GK5: variants seen among roughly 807,000 people sequenced by gnomAD.
GK5 encodes glycerol kinase 5, also known as ATP:glycerol 3-phosphotransferase 5.
GK5 carries 39 observed loss-of-function variants against 77.3 expected under a neutral mutation model. The observed-to-expected ratio is 0.50, with a 90% CI of 0.39 to 0.66. The LOEUF (loss-of-function observed/expected upper bound fraction) is 0.66. GK5 is among the 30% of genes least tolerant of loss of function. The pLI, the probability that GK5 is intolerant of heterozygous loss-of-function variation, is 0.00. For synonymous variants in GK5, 211 were observed against 208.0 expected (o/e 1.01, Z -0.13); for missense variants, 487 against 633.8 (o/e 0.77, Z 2.49).
At position 142,194,355 on chromosome 3, in the gene GK5, G is replaced by A. The variant is rs1006018848; in HGVS notation, c.543+4447C>T. On this transcript the variant is annotated intron_variant, in intron 5 of 15. Transcript: ENST00000392993. The stretch of plus-strand genomic sequence containing the variant: ...AGCCTGGCCAACATGGCGAAACCCC[G>A]TCTCTACTAAAAATACAAAAGTTAG... Among the ~76,000 whole-genome samples, 4 of 151,938 alleles carry A rather than the reference G, an allele frequency of 2.6e-5. No individual in the cohort carries two copies. The South Asian group carries it at 8.3e-4, about 32-fold the overall frequency.
intron 15 of GK5, among the ~76,000 whole-genome samples, chr3:142,169,151 G>T: frequency 6.6e-6 from 1 of 152,150 alleles, no homozygotes. Flanking sequence ...TGTAGCAGGT[G>T]CTCCACAAAC....
chr3:142,182,351 T>TG (rs1491517880), intron 10 of GK5, among the ~76,000 whole-genome samples: 1 of 146,136 alleles, frequency 6.8e-6, no homozygotes, highest in Non-Finnish European at 1.5e-5. Flanking sequence ...AGTAAGAAGA[T>TG]TTTTTTTTTT....
At chr3:142,201,231 T>C (rs9833701) in intron 4 of GK5, among the ~76,000 whole-genome samples, 8,437 of 152,268 alleles carry the variant, frequency 0.055, 429 homozygotes, top group African/African-American at 0.13. Context: ...AGCACAGATG[T>C]CCTTCAACAA....
At chr3:142,182,837 TG>T in intron 10 of GK5, 85 bp downstream of exon 10, 1 of 869,432 alleles carries the variant, frequency 1.2e-6, no homozygotes, top group Non-Finnish European at 1.8e-6. Context: ...TATCACAAAA[TG>T]GGAAAATAGT....
At chr3:142,194,390 G>T (rs2107784607) in intron 5 of GK5, among the ~76,000 whole-genome samples, 1 of 152,280 alleles carries the variant, frequency 6.6e-6, no homozygotes, top group African/African-American at 2.4e-5. Context: ...GCTGGGCGTT[G>T]TGGCGCACGC....
intron 14 of GK5, among the ~76,000 whole-genome samples, chr3:142,171,108 G>C (rs1400878192): frequency 6.6e-6 from 1 of 152,104 alleles, no homozygotes; most frequent in Non-Finnish European, 1.5e-5. Context: ...GTGCATGTCT[G>C]TAGTCACAAC....
At position 142,161,206 on chromosome 3, in the gene GK5, T is replaced by G. The variant is rs1170356002; in HGVS notation, c.*4416A>C. The G allele has an allele frequency of 6.6e-6, 1 of 152,220 alleles. No homozygotes were observed. The highest frequency in any genetic ancestry group is 1.5e-5 in the Non-Finnish European group (1 of 68,144). 9.4% of individuals were successfully genotyped at this position (152,220 alleles called of 1,614,324 possible). A position where few individuals can be genotyped will look rare whatever the true frequency, so the allele number is the denominator to read the frequency against. On this transcript the variant is annotated 3_prime_UTR_variant, in exon 16 of 16. Coordinates refer to ENST00000392993, the MANE Select transcript of GK5 (RefSeq NM_001039547.3). The stretch of plus-strand genomic sequence containing the variant: ...ACCTCTGCCTCAGGGGTTCAAGCGG[T>G]TCTCCTGCCTCAGCCTCCTGACTAG...
chr3:142,173,811 T>C (rs753460395), intron 12 of GK5, among the ~76,000 whole-genome samples: 5 of 152,134 alleles, frequency 3.3e-5, no homozygotes, highest in Admixed American at 1.3e-4. Context: ...CACATCAAAA[T>C]GGTCATTTCA....
intron 9 of GK5, chr3:142,185,186 C>A (rs2063752069): frequency 2.5e-6 from 2 of 800,942 alleles, no homozygotes. Flanking sequence ...GCAAAGGTGG[C>A]AGAAGGCCCC....
chr3:142,200,453 C>T (rs1282203145), intron 4 of GK5, among the ~76,000 whole-genome samples: 1 of 152,166 alleles, frequency 6.6e-6, no homozygotes, highest in East Asian at 1.9e-4. Context: ...CAGGCGTGAA[C>T]CACTGCACCC....
intron 4 of GK5, chr3:142,204,188 T>C (rs569723163): frequency 2.1e-5 from 4 of 189,852 alleles, no homozygotes; most frequent in Non-Finnish European, 4.4e-5. Flanking sequence ...TCAGCTAATT[T>C]TGCATTATTT....
intron 4 of GK5, among the ~76,000 whole-genome samples, chr3:142,202,725 G>A (rs2064045085): frequency 2.0e-5 from 3 of 152,172 alleles, no homozygotes; most frequent in Non-Finnish European, 4.4e-5. Context: ...GGGAGGCTGA[G>A]GTGGGCGGAT....
At chr3:142,186,350 A>G (rs931635686) in intron 7 of GK5, 83 bp from the exon 8 acceptor site, 58 of 1,001,288 alleles carry the variant, frequency 5.8e-5, no homozygotes, top group Non-Finnish European at 7.9e-5. Flanking sequence ...CATGTTGTAC[A>G]TGATATATTT....
chr3:142,167,228 G>C (rs1049456421), intron 15 of GK5, among the ~76,000 whole-genome samples: 2 of 152,054 alleles, frequency 1.3e-5, no homozygotes, highest in Non-Finnish European at 2.9e-5. Context: ...TAAAAAATTA[G>C]CTGGGCGTGG....
chr3:142,170,195 T>C, intron 15 of GK5, 130 bp downstream of exon 15: 2 of 910,350 alleles, frequency 2.2e-6, no homozygotes, highest in African/African-American at 1.6e-5. Flanking sequence ...GTAATATGCA[T>C]ATGTGTATGG....
Position 142,210,165 on chromosome 3 carries a change from C to T in GK5, c.317+3361G>A, listed in dbSNP as rs139622508. Among the ~76,000 whole-genome samples the T allele has an allele frequency of 2.1e-4, 32 of 152,018 alleles. No homozygotes were observed. In the East Asian group the frequency reaches 6.0e-3, roughly 28 times the overall value. On this transcript the variant is annotated intron_variant, in intron 3 of 15. Transcript: ENST00000392993. ...GATGGGGGAGAGATAGGGAGAAAAA[C>T]AAAAAGAAAGTTCAAAGTTTTAGAC...
intron 1 of GK5, among the ~76,000 whole-genome samples, chr3:142,217,335 A>T (rs2064287389): frequency 6.6e-6 from 1 of 152,182 alleles, no homozygotes; most frequent in African/African-American, 2.4e-5. Context: ...GAAAGTCATA[A>T]AAGACATAAA....
rs2063454905 is a variant in GK5, at chr3:142,164,654, A to T, written c.*968T>A. 6.6e-6 allele frequency: 1 copy of T among 152,230 alleles called. No individual in the cohort carries two copies. The highest frequency in any genetic ancestry group is 6.5e-5 in the Admixed American group (1 of 15,286). 9.4% of individuals were successfully genotyped at this position (152,230 alleles called of 1,614,324 possible). On this transcript the variant is annotated 3_prime_UTR_variant, in exon 16 of 16. Coordinates refer to ENST00000392993, the MANE Select transcript of GK5 (RefSeq NM_001039547.3). ...GACTGAACAAACATCAAAAAGACGC[A>T]GGAACAAATAAAATACCCCAATAAA...
chr3:142,222,529 A>G (rs974046796), intron 1 of GK5, among the ~76,000 whole-genome samples: 1 of 151,800 alleles, frequency 6.6e-6, no homozygotes, highest in African/African-American at 2.4e-5. Context: ...CAGTCACTGC[A>G]CTCCAGCCTG....
Sources: allele counts gnomAD v4.1 joint callset (sites outside exome capture counted in the v4.1 genomes callset), GRCh38; gene constraint gnomAD v4.1.1; transcripts MANE v1.5; gene names NCBI Gene and HGNC (gene_info 2026-07-23, HGNC 2026-07-21).